Variants in PRKCE observed in about 807,000 individuals in gnomAD.
PRKCE encodes protein kinase C epsilon type.
In PRKCE, 16 loss-of-function variants were observed where a neutral mutation model predicts 85.4. The observed-to-expected ratio is 0.19, with a 90% CI of 0.13 to 0.28. The LOEUF (loss-of-function observed/expected upper bound fraction) is 0.28, where lower values mean the gene tolerates loss of function less well. PRKCE is among the 10% of genes least tolerant of loss of function. PRKCE has a pLI of 1.00. For synonymous variants in PRKCE, 388 were observed against 371.5 expected, an observed-to-expected ratio of 1.04 and a Z score of -0.51; for missense variants, 573 against 975.2, an observed-to-expected ratio of 0.59 and a Z score of 5.49.
At chr2:45,967,798 T>TAA (rs1558897435) in intron 2 of PRKCE, among the ~76,000 whole-genome samples, 1 of 152,104 alleles carries the variant, frequency 6.6e-6, no homozygotes, top group Non-Finnish European at 1.5e-5. Context: ...TCCTGATAGA[T>TAA]AAGATAGGAA....
chr2:45,917,834 G>GC (rs1393675210), intron 2 of PRKCE, among the ~76,000 whole-genome samples: 1 of 152,222 alleles, frequency 6.6e-6, no homozygotes, highest in Non-Finnish European at 1.5e-5. Flanking sequence ...GGCAGCTAAG[G>GC]CCCGGCGAGA....
intron 14 of PRKCE, among the ~76,000 whole-genome samples, chr2:46,179,850 C>T (rs1285806307): frequency 6.6e-6 from 1 of 152,204 alleles, no homozygotes; most frequent in Non-Finnish European, 1.5e-5. Context: ...TCCCCCCCAA[C>T]TCCCTGCCTC....
At position 46,158,343 on chromosome 2, in the gene PRKCE, G is replaced by T. The variant is rs1677419514; in HGVS notation, c.1921-1263G>T. On this transcript the variant is annotated intron_variant, in intron 13 of 14. Coordinates refer to ENST00000306156, the MANE Select transcript of PRKCE (RefSeq NM_005400.3). ...GCAAAAGGACAGCAAGGTAGACAGG[G>T]TTCAGGCTGAGGAGCTCCTGTGTGC... 4.6e-5 allele frequency among the ~76,000 whole-genome samples: 7 copies of T among 152,152 alleles called. No homozygotes were observed. In the South Asian group the frequency reaches 1.5e-3, roughly 32 times the overall value.
chr2:46,176,698 A>G (rs281472), intron 14 of PRKCE, among the ~76,000 whole-genome samples: 13,783 of 152,196 alleles, frequency 0.091, 762 homozygotes, highest in Middle Eastern at 0.18. Context: ...TTGCTTCTCA[A>G]TGAATTTCAC....
chr2:46,104,296 C>CTTTTTTTTTG (rs1671506849), intron 11 of PRKCE, among the ~76,000 whole-genome samples: 1 of 118,522 alleles, frequency 8.4e-6, no homozygotes, highest in African/African-American at 3.2e-5. Context: ...TCACCTTGTA[C>CTTTTTTTTTG]TTTTTTTTTT....
intron 2 of PRKCE, among the ~76,000 whole-genome samples, chr2:45,866,519 G>A (rs1347225414): frequency 1.3e-5 from 2 of 151,968 alleles, no homozygotes; most frequent in Admixed American, 1.3e-4. Flanking sequence ...GTGTTAGCCA[G>A]GATGGTCTTG....
chr2:45,683,490 G>C (rs778184841), intron 1 of PRKCE, among the ~76,000 whole-genome samples: 47 of 152,354 alleles, frequency 3.1e-4, no homozygotes, highest in Non-Finnish European at 4.7e-4. Flanking sequence ...GGAGTAAGGT[G>C]CCAAGTAGTT....
chr2:46,180,217 G>T (rs555775556), intron 14 of PRKCE, among the ~76,000 whole-genome samples: 1 of 152,322 alleles, frequency 6.6e-6, no homozygotes, highest in South Asian at 2.1e-4. Flanking sequence ...GTACATGGAG[G>T]TGGGGAAATT....
At chr2:45,888,429 T>C (rs1695457489) in intron 2 of PRKCE, among the ~76,000 whole-genome samples, 1 of 150,798 alleles carries the variant, frequency 6.6e-6, no homozygotes, top group Non-Finnish European at 1.5e-5. Context: ...TCATGCCTCA[T>C]CTTTAAAAAA....
At chr2:46,051,022 G>A (rs370050559) in intron 10 of PRKCE, among the ~76,000 whole-genome samples, 6 of 152,160 alleles carry the variant, frequency 3.9e-5, no homozygotes, top group Middle Eastern at 6.3e-3. Flanking sequence ...AAATGAGAGA[G>A]GGAAAGGAAG....
intron 2 of PRKCE, chr2:45,845,593 G>C (rs1691720124): frequency 6.6e-6 from 1 of 152,194 alleles, no homozygotes; most frequent in South Asian, 2.1e-4. Flanking sequence ...AAGGAGCTCA[G>C]AGAGAGGTGT....
rs139229443 is a variant in PRKCE, at chr2:45,917,026, C to T, written c.413-59403C>T. ...TATTGCAAAGAGTGAAAGAACAAACCTTCCACAGTGTGGAAGGGGACTCCA... is the reference window on the plus strand; with the variant it reads ...TATTGCAAAGAGTGAAAGAACAAACTTTCCACAGTGTGGAAGGGGACTCCA... On this transcript the variant is annotated intron_variant, in intron 2 of 14. Transcript: ENST00000306156. Among the ~76,000 whole-genome samples the T allele has an allele frequency of 7.2e-3, 1,100 of 152,172 alleles. 39 individuals are homozygous for T. In the East Asian group the frequency reaches 0.1, roughly 14 times the overall value.
rs192209394 is a variant in PRKCE, at chr2:45,659,495, C to G, written c.348+7047C>G. On this transcript the variant is annotated intron_variant, in intron 1 of 14. Transcript: ENST00000306156. ...TGTCCTGGCTTCTCAGCTCCTGTCTCTGCTCACAGATCTCTCAGGTGAGAT... is the reference window on the plus strand; with the variant it reads ...TGTCCTGGCTTCTCAGCTCCTGTCTGTGCTCACAGATCTCTCAGGTGAGAT... Among the ~76,000 whole-genome samples the G allele has an allele frequency of 2.0e-5, 3 of 152,356 alleles. No individual in the cohort carries two copies. The East Asian group carries it at 5.8e-4, about 29-fold the overall frequency.
At chr2:46,015,691 C>CAAAAAAAAAAAAAA (rs749060776) in intron 10 of PRKCE, among the ~76,000 whole-genome samples, 34 of 80,748 alleles carry the variant, frequency 4.2e-4, no homozygotes, top group East Asian at 7.5e-4. Flanking sequence ...AACACTAAAC[C>CAAAAAAAAAAAAAA]AAAAAAAAAA....
intron 10 of PRKCE, among the ~76,000 whole-genome samples, chr2:46,032,421 C>G (rs191848242): frequency 6.7e-4 from 102 of 152,304 alleles, no homozygotes; most frequent in African/African-American, 1.9e-3. Context: ...ACCGCCATCC[C>G]TCTCTTAAAA....
At chr2:45,974,379 G>A (rs919296970) in intron 2 of PRKCE, among the ~76,000 whole-genome samples, 1 of 152,090 alleles carries the variant, frequency 6.6e-6, no homozygotes, top group African/African-American at 2.4e-5. Flanking sequence ...CCAGAAGGTC[G>A]GTGATGCCAG....
chr2:45,870,669 G>A (rs374683202), intron 2 of PRKCE, among the ~76,000 whole-genome samples: 34 of 152,170 alleles, frequency 2.2e-4, no homozygotes, highest in African/African-American at 7.2e-4. Context: ...GTGGTCAAGG[G>A]TGTAGTTTTT....
chr2:45,661,523 G>GTTTTTTTTTTTTTTTTTTTTTTTTTT (rs367628974), intron 1 of PRKCE, among the ~76,000 whole-genome samples: 3 of 96,654 alleles, frequency 3.1e-5, no homozygotes, highest in Non-Finnish European at 6.0e-5. Context: ...TTTGTTTTTT[G>GTTTTTTTTTTTTTTTTTTTTTTTTTT]TTTTTTGTTT....
chr2:45,844,542 T>A (rs1020370621), intron 2 of PRKCE, among the ~76,000 whole-genome samples: 4 of 152,234 alleles, frequency 2.6e-5, no homozygotes, highest in Admixed American at 6.5e-5. Context: ...TGAAGCCTTG[T>A]CCTTGCTTTT....
Sources: gnomAD v4.1 joint callset for allele counts (sites outside exome capture counted in the v4.1 genomes callset) on GRCh38, gnomAD v4.1.1 for gene constraint, MANE v1.5 for transcripts, NCBI Gene and HGNC (gene_info 2026-07-23, HGNC 2026-07-21) for gene names.